The following CAPS2 variants were observed in gnomAD, a reference collection of about 807,000 sequenced individuals.
The protein encoded by CAPS2 is calcyphosin-2.
In CAPS2, 98 loss-of-function variants were observed where a neutral mutation model predicts 86.5. That is an observed-to-expected ratio of 1.13 (90% CI 0.96 to 1.34). The LOEUF (loss-of-function observed/expected upper bound fraction) is 1.34, where lower values mean the gene tolerates loss of function less well. Among genes scored for constraint, CAPS2 ranks in the 40% most tolerant of loss-of-function variants. CAPS2 has a pLI of 0.00. For missense variants in CAPS2, 729 were observed against 686.8 expected, an observed-to-expected ratio of 1.06 and a Z score of -0.69; for synonymous variants, 210 against 225.1, an observed-to-expected ratio of 0.93 and a Z score of 0.60.
intron 14 of CAPS2, among the ~76,000 whole-genome samples, chr12:75,287,266 C>T (rs377293336): frequency 7.7e-4 from 117 of 152,066 alleles, no homozygotes; most frequent in Middle Eastern, 3.4e-3. Flanking sequence ...GCCCTTCTTT[C>T]ACCTTAAGCT....
chr12:75,321,288 C>T (rs1593520410), intron 5 of CAPS2, 112 bp downstream of exon 5: 1 of 662,830 alleles, frequency 1.5e-6, no homozygotes, highest in East Asian at 2.8e-5. Context: ...TAAATGTTAG[C>T]TATTATACTT....
chr12:75,292,731 AATATAT>A (rs1404154712), intron 12 of CAPS2, among the ~76,000 whole-genome samples: 1 of 147,750 alleles, frequency 6.8e-6, no homozygotes, highest in South Asian at 2.1e-4. Context: ...ATATCACAGG[AATATAT>A]ATTTTTTAAT....
chr12:75,351,130 A>ATAATCT (rs1321179467), intron 1 of CAPS2, among the ~76,000 whole-genome samples: 32 of 152,304 alleles, frequency 2.1e-4, no homozygotes, highest in African/African-American at 7.7e-4. Flanking sequence ...GAAATAAGGC[A>ATAATCT]GGCAGACAAG....
chr12:75,343,068 G>C (rs964717970), intron 1 of CAPS2, among the ~76,000 whole-genome samples: 1 of 151,734 alleles, frequency 6.6e-6, no homozygotes, highest in African/African-American at 2.4e-5. Context: ...CATGTAATCT[G>C]TGAATAATGA....
At chr12:75,311,700 G>GAAAAAAAAAAAA (rs1306107054) in intron 7 of CAPS2, among the ~76,000 whole-genome samples, 2 of 6,716 alleles carry the variant, frequency 3.0e-4, no homozygotes, top group Admixed American at 1.8e-3. Flanking sequence ...AGCCATGCAG[G>GAAAAAAAAAAAA]AAAAAAAAAA....
chr12:75,372,506 G>A (rs1330693260), intron 1 of CAPS2, among the ~76,000 whole-genome samples: 4 of 152,156 alleles, frequency 2.6e-5, no homozygotes, highest in Non-Finnish European at 2.9e-5. Flanking sequence ...CCAGCAGAAC[G>A]TAATGTCATG....
chr12:75,363,041 C>T, intron 1 of CAPS2: 1 of 788,782 alleles, frequency 1.3e-6, no homozygotes, highest in Non-Finnish European at 2.1e-6. Context: ...TGCATACATG[C>T]ATGAACAAAA....
chr12:75,350,615 G>T (rs746022141), intron 1 of CAPS2, among the ~76,000 whole-genome samples: 1 of 152,062 alleles, frequency 6.6e-6, no homozygotes, highest in Admixed American at 6.5e-5. Flanking sequence ...TACAGAAAAG[G>T]GGCCTTACTG....
chr12:75,280,078 C>G (rs958615417), intron 16 of CAPS2, among the ~76,000 whole-genome samples: 6 of 151,600 alleles, frequency 4.0e-5, no homozygotes, highest in African/African-American at 1.5e-4. Flanking sequence ...ATATTTACAG[C>G]AAAAAATGTT....
intron 14 of CAPS2, 110 bp downstream of exon 14, chr12:75,289,511 G>C (rs2035475008): frequency 2.2e-6 from 2 of 917,408 alleles, no homozygotes; most frequent in South Asian, 1.8e-5. Context: ...ACTGATAAAG[G>C]GCATAGAGAA....
chr12:75,305,528 T>C, intron 7 of CAPS2: 1 of 615,480 alleles, frequency 1.6e-6, no homozygotes. Flanking sequence ...AACCCTAGGG[T>C]TCCGGTAGGC....
Position 75,283,651 on chromosome 12 carries a change from TAAAA to T in CAPS2, c.1515+1306_1516-1305del, listed in dbSNP as rs576569226. Among the ~76,000 whole-genome samples the T allele has an allele frequency of 6.8e-3, 1,031 of 152,062 alleles. 6 individuals carry two copies. Among genetic ancestry groups the T allele is most frequent in the Middle Eastern group, 0.034 (10 of 294 alleles). Reference sequence around the variant, plus strand: ...CAACATGGAGAAACCCTGTCTCTACTAAAAATACAAAAATTAGCCAGGCATCGTG... The same window carrying T: ...CAACATGGAGAAACCCTGTCTCTACTATACAAAAATTAGCCAGGCATCGTG... On this transcript the variant is annotated intron_variant, in intron 15 of 16. Transcript: ENST00000393284.
rs561763848 is a variant in CAPS2, at chr12:75,317,268, A to C, written c.469-834T>G. Among the ~76,000 whole-genome samples, 131 of 152,300 alleles carry C rather than the reference A, an allele frequency of 8.6e-4. 1 individual carries two copies. Among genetic ancestry groups the C allele is most frequent in the African/African-American group, 3.0e-3 (126 of 41,572 alleles). ...GTGAGCACTCGATAAATATTTATTC[A>C]ATAAATGAATAATGAATCTCGCTTA... On this transcript the variant is annotated intron_variant, in intron 5 of 16. Transcript: ENST00000393284.
chr12:75,297,329 T>C (rs1345066411), intron 11 of CAPS2, among the ~76,000 whole-genome samples: 3 of 152,216 alleles, frequency 2.0e-5, no homozygotes, highest in Admixed American at 6.5e-5. Context: ...GTGTCATATG[T>C]ATAGTGTATA....
chr12:75,291,480 CATAT>C (rs556770226), intron 13 of CAPS2, among the ~76,000 whole-genome samples: 670 of 18,560 alleles, frequency 0.036, 13 homozygotes, highest in African/African-American at 0.056. Context: ...ACAATAAAAG[CATAT>C]ATATATATAT....
intron 7 of CAPS2, among the ~76,000 whole-genome samples, chr12:75,310,973 C>T (rs1038113559): frequency 6.6e-6 from 1 of 152,128 alleles, no homozygotes; most frequent in African/African-American, 2.4e-5. Context: ...AAAAGTAAGG[C>T]CCTTCCAGCC....
At chr12:75,351,294 T>C (rs2042792300) in intron 1 of CAPS2, among the ~76,000 whole-genome samples, 1 of 152,118 alleles carries the variant, frequency 6.6e-6, no homozygotes, top group Admixed American at 6.5e-5. Context: ...TTCCTCAACC[T>C]AGCAAGAAAG....
intron 6 of CAPS2, 92 bp from the exon 7 acceptor site, chr12:75,313,007 T>C: frequency 3.0e-6 from 2 of 676,698 alleles, no homozygotes; most frequent in South Asian, 1.9e-5. Context: ...ATTAAATATC[T>C]CTGATTTCCG....
chr12:75,281,264 A>G (rs184534502), intron 16 of CAPS2, among the ~76,000 whole-genome samples: 125 of 152,056 alleles, frequency 8.2e-4, no homozygotes, highest in African/African-American at 3.0e-3. Context: ...CTAGGTATTA[A>G]TATCACTCCA....
Sources: allele counts gnomAD v4.1 joint callset (sites outside exome capture counted in the v4.1 genomes callset), GRCh38; gene constraint gnomAD v4.1.1; transcripts MANE v1.5; gene names NCBI Gene and HGNC (gene_info 2026-07-23, HGNC 2026-07-21).